The following BCAS3 variants were observed in gnomAD, a reference collection of about 807,000 sequenced individuals.
BCAS3 encodes the protein BCAS4/BCAS3 fusion.
In BCAS3, 53 loss-of-function variants were observed where a neutral mutation model predicts 116.1. That is an observed-to-expected ratio of 0.46 (90% CI 0.37 to 0.57). The LOEUF (loss-of-function observed/expected upper bound fraction) is 0.57. Ranked by LOEUF, BCAS3 falls within the 20% of genes least tolerant of loss-of-function variation. BCAS3 has a pLI of 0.00. For synonymous variants in BCAS3, 391 were observed against 408.2 expected, an observed-to-expected ratio of 0.96 and a Z score of 0.51; for missense variants, 917 against 1,165.4, an observed-to-expected ratio of 0.79 and a Z score of 3.10.
intron 7 of BCAS3, among the ~76,000 whole-genome samples, chr17:60,854,045 C>A (rs1297227480): frequency 6.6e-6 from 1 of 151,982 alleles, no homozygotes; most frequent in African/African-American, 2.4e-5. Flanking sequence ...TGCTATCCTT[C>A]CCCCCTCCCC....
Position 60,774,009 on chromosome 17 carries a change from T to G in BCAS3, c.403+26730T>G, listed in dbSNP as rs146903499. ...CTTTATCAGATAAGGCTTTTGGAAA[T>G]ATCTTCTACCTATGGCTTGTCTTCT... On this transcript the variant is annotated intron_variant, in intron 6 of 23. Transcript: ENST00000407086. 5.5e-4 allele frequency among the ~76,000 whole-genome samples: 84 copies of G among 152,336 alleles called. 1 individual carries two copies. Among genetic ancestry groups the G allele is most frequent in the African/African-American group, 1.7e-3 (71 of 41,580 alleles).
intron 7 of BCAS3, among the ~76,000 whole-genome samples, chr17:60,841,094 A>G (rs1239148582): frequency 2.0e-5 from 3 of 152,158 alleles, no homozygotes; most frequent in Non-Finnish European, 4.4e-5. Context: ...TTCATATACT[A>G]CTTTAAGTAA....
At chr17:61,047,353 T>A (rs933724037) in intron 19 of BCAS3, among the ~76,000 whole-genome samples, 2 of 152,018 alleles carry the variant, frequency 1.3e-5, no homozygotes, top group Admixed American at 6.6e-5. Context: ...GCATTTTTAA[T>A]AAGTTTTTTA....
chr17:61,194,156 G>A (rs903662674), intron 22 of BCAS3, among the ~76,000 whole-genome samples: 5 of 152,122 alleles, frequency 3.3e-5, no homozygotes, highest in African/African-American at 1.2e-4. Context: ...GGGGAGGGGA[G>A]AGGAGGGGAA....
intron 6 of BCAS3, among the ~76,000 whole-genome samples, chr17:60,802,000 A>G (rs923481474): frequency 2.6e-5 from 4 of 151,758 alleles, no homozygotes; most frequent in Non-Finnish European, 4.4e-5. Context: ...AATTTTCTTA[A>G]ATTTGCCTCT....
intron 22 of BCAS3, among the ~76,000 whole-genome samples, chr17:61,109,487 T>C (rs763170344): frequency 1.3e-5 from 2 of 152,190 alleles, no homozygotes; most frequent in Non-Finnish European, 2.9e-5. Flanking sequence ...CTGGAACAAA[T>C]GGTAGATGTA....
chr17:61,367,932 C>T lies in BCAS3; in HGVS notation c.2426-395C>T, dbSNP rs2058826998. On this transcript the variant is annotated intron_variant, in intron 22 of 23. Coordinates refer to ENST00000407086, the MANE Select transcript of BCAS3 (RefSeq NM_017679.5). This position sits in a 1 kb window ranked among gnomAD's most constrained non-coding sequence, Gnocchi z 6.2. ...AAGTGTTGGGATTGCAGGTGTAAGG[C>T]ACCACTCCCCGCCCTAAATGAAATT... 6.3e-6 allele frequency: 1 copy of T among 157,730 alleles called. No individual in the cohort carries two copies. Among genetic ancestry groups the T allele is most frequent in the Admixed American group, 6.4e-5 (1 of 15,550 alleles). The allele number at this position is 157,730 out of a possible 1,614,324, so 9.8% of individuals were successfully genotyped here.
At chr17:61,094,698 G>C (rs1229661269) in intron 22 of BCAS3, among the ~76,000 whole-genome samples, 1 of 152,158 alleles carries the variant, frequency 6.6e-6, no homozygotes, top group Non-Finnish European at 1.5e-5. Context: ...CAAAAAATTA[G>C]CTGGGTGTGG....
At position 60,961,686 on chromosome 17, in the gene BCAS3, A is replaced by C. The variant is rs2061419136; in HGVS notation, c.1221+14334A>C. On this transcript the variant is annotated intron_variant, in intron 14 of 23. Coordinates refer to ENST00000407086, the MANE Select transcript of BCAS3 (RefSeq NM_017679.5). This position sits in a 1 kb window ranked among gnomAD's most constrained non-coding sequence, Gnocchi z 4.8. ...GTTCAGTGGTAATAAATACATTTCT[A>C]TTCCTTTTCTTCCCCTTCATTCACC... 6.6e-6 allele frequency among the ~76,000 whole-genome samples: 1 copy of C among 151,828 alleles called. No homozygotes were observed. Among genetic ancestry groups the C allele is most frequent in the Admixed American group, 6.6e-5 (1 of 15,248 alleles).
intron 7 of BCAS3, chr17:60,811,361 A>G (rs2048798898): frequency 4.7e-6 from 3 of 636,532 alleles, no homozygotes; most frequent in South Asian, 4.3e-5. Context: ...TACCCCAGAC[A>G]GCAGCAACTC....
intron 13 of BCAS3, among the ~76,000 whole-genome samples, chr17:60,946,539 C>A (rs972370277): frequency 6.6e-6 from 1 of 151,966 alleles, no homozygotes. Context: ...TAAATTGGAG[C>A]GTAGAATTAA....
In BCAS3 at chr17:61,251,935, G is replaced by C. The variant is rs887040749; in HGVS notation, c.2426-116392G>C. ...GCCTTCTATCAAGCTTGATCTCAAG[G>C]AACTTTACACGGGTGGCAGTTTAGA... On this transcript the variant is annotated intron_variant, in intron 22 of 23. Coordinates refer to ENST00000407086, the MANE Select transcript of BCAS3 (RefSeq NM_017679.5). The surrounding 1 kb of genome is among the most constrained non-coding windows in gnomAD (Gnocchi z 4.7). 1.3e-5 allele frequency among the ~76,000 whole-genome samples: 2 copies of C among 152,080 alleles called. No homozygotes were observed. The highest frequency in any genetic ancestry group is 4.8e-5 in the African/African-American group (2 of 41,400).
rs1316395399 is a variant in BCAS3 at position 61,241,448 on chromosome 17, A to G, written c.2426-126879A>G. Reference sequence around the variant, plus strand: ...ATAGTTTGGGCCTGCGCAGTGGCTCACCCCTGTAATCCCAACACTTTGGGA... The same window carrying G: ...ATAGTTTGGGCCTGCGCAGTGGCTCGCCCCTGTAATCCCAACACTTTGGGA... On this transcript the variant is annotated intron_variant, in intron 22 of 23. Transcript: ENST00000407086. This position sits in a 1 kb window ranked among gnomAD's most constrained non-coding sequence, Gnocchi z 4.6. Among the ~76,000 whole-genome samples the G allele has an allele frequency of 6.6e-6, 1 of 151,970 alleles. No homozygotes were observed.
At chr17:60,800,811 C>T (rs938321688) in intron 6 of BCAS3, among the ~76,000 whole-genome samples, 4 of 151,972 alleles carry the variant, frequency 2.6e-5, no homozygotes, top group African/African-American at 7.2e-5. Flanking sequence ...GTTCCAGGGT[C>T]ATTTGTTGAC....
At chr17:60,789,414 G>GA (rs1283451985) in intron 6 of BCAS3, among the ~76,000 whole-genome samples, 1 of 152,112 alleles carries the variant, frequency 6.6e-6, no homozygotes, top group Non-Finnish European at 1.5e-5. Context: ...CGTGGGAGAG[G>GA]AGTTGGTGAC....
chr17:60,696,377 C>G (rs762248361), intron 4 of BCAS3: 3 of 152,270 alleles, frequency 2.0e-5, no homozygotes, highest in African/African-American at 4.8e-5. Flanking sequence ...GAGAATCGCT[C>G]GAGTCCAGGA....
rs572971346 is a variant in BCAS3 at position 61,038,814 on chromosome 17, G to A, written c.1928+760G>A. 3.5e-3 allele frequency among the ~76,000 whole-genome samples: 536 copies of A among 151,284 alleles called. 4 individuals carry two copies. Among genetic ancestry groups the A allele is most frequent in the African/African-American group, 0.013 (517 of 41,254 alleles). On this transcript the variant is annotated intron_variant, in intron 18 of 23. Transcript: ENST00000407086. ...CTCCTGAGTAGCTGGGACCACAGGCGCCTGCCATCCCATCTGGCTAATTTT... is the reference window on the plus strand; with the variant it reads ...CTCCTGAGTAGCTGGGACCACAGGCACCTGCCATCCCATCTGGCTAATTTT...
At chr17:60,838,645 A>G (rs1408312723) in intron 7 of BCAS3, among the ~76,000 whole-genome samples, 4 of 152,206 alleles carry the variant, frequency 2.6e-5, no homozygotes. Flanking sequence ...CAATAAAGAA[A>G]TGAATAGGTT....
chr17:61,384,161 C>T (rs973586352), intron 23 of BCAS3, among the ~76,000 whole-genome samples: 3 of 152,228 alleles, frequency 2.0e-5, no homozygotes, highest in Admixed American at 1.3e-4. Flanking sequence ...CATTCTCCAT[C>T]CCCCAAGCCC....
Sources: gnomAD v4.1 joint callset for allele counts (sites outside exome capture counted in the v4.1 genomes callset) on GRCh38, gnomAD v4.1.1 for gene constraint, Gnocchi (gnomAD v3.1) non-coding constraint, MANE v1.5 for transcripts, NCBI Gene and HGNC (gene_info 2026-07-23, HGNC 2026-07-21) for gene names.